Variants in MMP16 observed in about 807,000 individuals in gnomAD.
The protein encoded by MMP16 is matrix metallopeptidase 16.
A neutral mutation model predicts 67.8 loss-of-function variants in MMP16; 12 were observed. That is an observed-to-expected ratio of 0.18 (90% CI 0.11 to 0.29). MMP16 has a LOEUF of 0.29. MMP16 is among the 10% of genes least tolerant of loss of function. The pLI is 1.00. For missense variants in MMP16, 475 were observed against 765.7 expected (o/e 0.62, Z 4.48); for synonymous variants, 249 against 255.9 (o/e 0.97, Z 0.26).
chr8:88,161,991 G>C (rs1446893584), intron 4 of MMP16, among the ~76,000 whole-genome samples: 1 of 151,870 alleles, frequency 6.6e-6, no homozygotes, highest in Non-Finnish European at 1.5e-5. Context: ...AGTCAATTTT[G>C]GAATAAGTGT....
intron 1 of MMP16, among the ~76,000 whole-genome samples, chr8:88,252,272 T>G (rs1228090821): frequency 6.6e-6 from 1 of 152,176 alleles, no homozygotes; most frequent in African/African-American, 2.4e-5. Flanking sequence ...TATGACCCTC[T>G]GATGGCTGCA....
chr8:88,153,786 C>T (rs1433263198), intron 4 of MMP16, among the ~76,000 whole-genome samples: 1 of 150,926 alleles, frequency 6.6e-6, no homozygotes, highest in South Asian at 2.1e-4. Flanking sequence ...TAGGCATTAC[C>T]ATTCAGGACA....
At chr8:88,289,826 G>T (rs1563585539) in intron 1 of MMP16, among the ~76,000 whole-genome samples, 1 of 151,844 alleles carries the variant, frequency 6.6e-6, no homozygotes, top group Non-Finnish European at 1.5e-5. Context: ...ATTCACAAGT[G>T]TTAGGTAACT....
chr8:88,264,561 C>G (rs59122715), intron 1 of MMP16, among the ~76,000 whole-genome samples: 15,970 of 152,222 alleles, frequency 0.1, 1,007 homozygotes, highest in South Asian at 0.18. Context: ...ATTAGAAATA[C>G]AGACTGGGTA....
chr8:88,269,731 T>C (rs1810535576), intron 1 of MMP16, among the ~76,000 whole-genome samples: 2 of 152,216 alleles, frequency 1.3e-5, no homozygotes, highest in Admixed American at 1.3e-4. Flanking sequence ...GCTCTTGGAA[T>C]GTCATCCACC....
intron 6 of MMP16, among the ~76,000 whole-genome samples, chr8:88,089,470 G>A (rs973979523): frequency 1.3e-5 from 2 of 151,812 alleles, no homozygotes; most frequent in Non-Finnish European, 2.9e-5. Context: ...CTGAAGGGAA[G>A]GAATGGCAAT....
intron 1 of MMP16, among the ~76,000 whole-genome samples, chr8:88,315,477 G>T (rs762038144): frequency 3.3e-5 from 5 of 152,100 alleles, no homozygotes; most frequent in African/African-American, 4.8e-5. Flanking sequence ...CTCACCTAAG[G>T]TTCCAGGATT....
chr8:88,053,740 ATATATAAT>A (rs1160770107), intron 8 of MMP16, among the ~76,000 whole-genome samples: 2 of 152,152 alleles, frequency 1.3e-5, no homozygotes, highest in Non-Finnish European at 2.9e-5. Flanking sequence ...CACTCTGGAA[ATATATAAT>A]TATATGACTA....
intron 6 of MMP16, among the ~76,000 whole-genome samples, chr8:88,081,565 T>C (rs1044776767): frequency 1.3e-5 from 2 of 151,990 alleles, no homozygotes; most frequent in South Asian, 2.1e-4. Context: ...GCCTGGGCAA[T>C]ACAGTGAGAC....
chr8:88,263,666 C>T (rs1188986793), intron 1 of MMP16, among the ~76,000 whole-genome samples: 1 of 152,168 alleles, frequency 6.6e-6, no homozygotes, highest in Non-Finnish European at 1.5e-5. Context: ...TCCCTCTGTG[C>T]ATGATTCTAT....
chr8:88,047,175 A>T (rs1808210039), intron 8 of MMP16, among the ~76,000 whole-genome samples: 1 of 152,124 alleles, frequency 6.6e-6, no homozygotes, highest in Non-Finnish European at 1.5e-5. Flanking sequence ...TTTTTAAAAA[A>T]CCTTTCTTAG....
At chr8:88,089,898 GT>G (rs750281445) in intron 6 of MMP16, among the ~76,000 whole-genome samples, 1 of 151,978 alleles carries the variant, frequency 6.6e-6, no homozygotes, top group South Asian at 2.1e-4. Flanking sequence ...GAAAGAAAAG[GT>G]TAGATCATGA....
At chr8:88,281,720 CCCCCTGTCAGG>C (rs1418849455) in intron 1 of MMP16, among the ~76,000 whole-genome samples, 1 of 152,140 alleles carries the variant, frequency 6.6e-6, no homozygotes, top group East Asian at 1.9e-4. Context: ...CACAAGGCTG[CCCCCTGTCAGG>C]GGGTGGACAA....
chr8:88,150,992 G>C (rs1245104444), intron 4 of MMP16, among the ~76,000 whole-genome samples: 2 of 142,644 alleles, frequency 1.4e-5, no homozygotes, highest in Non-Finnish European at 3.0e-5. Flanking sequence ...GACACACATA[G>C]GTTCAAAATA....
intron 4 of MMP16, among the ~76,000 whole-genome samples, chr8:88,166,692 T>C (rs1231526721): frequency 2.1e-5 from 1 of 47,100 alleles, no homozygotes; most frequent in Non-Finnish European, 3.6e-5. Flanking sequence ...AAATTACATA[T>C]ATATATATAT....
intron 6 of MMP16, among the ~76,000 whole-genome samples, chr8:88,097,661 A>G (rs866074959): frequency 1.3e-5 from 2 of 150,694 alleles, no homozygotes; most frequent in East Asian, 2.0e-4. Flanking sequence ...TGAAAACATC[A>G]AAAGAATGGG....
chr8:88,062,098 T>C (rs549098078), intron 7 of MMP16, among the ~76,000 whole-genome samples: 8 of 152,054 alleles, frequency 5.3e-5, no homozygotes, highest in Non-Finnish European at 8.8e-5. Context: ...TAATTATGAG[T>C]GATAACATTT....
chr8:88,274,958 T>C (rs908223008), intron 1 of MMP16, among the ~76,000 whole-genome samples: 7 of 143,138 alleles, frequency 4.9e-5, no homozygotes, highest in Non-Finnish European at 6.0e-5. Context: ...TGCATATGTA[T>C]ACAAACTCAC....
chr8:88,140,137 A>T (rs1330627767), intron 4 of MMP16, among the ~76,000 whole-genome samples: 1 of 152,082 alleles, frequency 6.6e-6, no homozygotes, highest in African/African-American at 2.4e-5. Flanking sequence ...CTGAGGCTGG[A>T]GTCTACTTCA....
Sources: gnomAD v4.1 joint callset for allele counts (sites outside exome capture counted in the v4.1 genomes callset) on GRCh38, gnomAD v4.1.1 for gene constraint, MANE v1.5 for transcripts, NCBI Gene and HGNC (gene_info 2026-07-23, HGNC 2026-07-21) for gene names.